The following PLCXD3 variants were observed in gnomAD, a reference collection of about 807,000 sequenced individuals.
PLCXD3 encodes the protein PI-PLC X domain-containing protein 3.
In PLCXD3, 19 loss-of-function variants were observed where a neutral mutation model predicts 25.5. The ratio of observed to expected loss-of-function variants is 0.75; its 90% CI spans 0.52 to 1.09. The LOEUF is 1.09. PLCXD3 is among the 50% of genes least tolerant of loss of function. The probability of loss-of-function intolerance (pLI) is 0.00; values close to 1 mark genes in which losing one functional copy is unlikely to be tolerated. For synonymous variants in PLCXD3, 174 were observed against 137.6 expected, an observed-to-expected ratio of 1.26 and a Z score of -1.85; for missense variants, 411 against 388.1, an observed-to-expected ratio of 1.06 and a Z score of -0.50.
intron 1 of PLCXD3, among the ~76,000 whole-genome samples, chr5:41,437,092 T>G (rs962901438): frequency 6.6e-6 from 1 of 152,228 alleles, no homozygotes; most frequent in South Asian, 2.1e-4. Context: ...AAAGACTCTG[T>G]ACTTATTTCC....
chr5:41,509,904 G>A (rs946207051), intron 1 of PLCXD3, among the ~76,000 whole-genome samples: 1 of 152,206 alleles, frequency 6.6e-6, no homozygotes, highest in Non-Finnish European at 1.5e-5. Flanking sequence ...CACTCTTCGG[G>A]AAGCGCTTTG....
At chr5:41,498,259 A>G (rs887441056) in intron 1 of PLCXD3, among the ~76,000 whole-genome samples, 14 of 151,648 alleles carry the variant, frequency 9.2e-5, no homozygotes, top group African/African-American at 2.9e-4. Context: ...GAATTTTTTG[A>G]AAAGATAAAC....
At chr5:41,363,275 G>A (rs1033825447) in intron 2 of PLCXD3, among the ~76,000 whole-genome samples, 10 of 152,168 alleles carry the variant, frequency 6.6e-5, no homozygotes, top group African/African-American at 2.4e-4. Flanking sequence ...TTGAGGATAA[G>A]GGGCTATGTC....
chr5:41,460,964 A>G (rs1747859255), intron 1 of PLCXD3, among the ~76,000 whole-genome samples: 1 of 151,896 alleles, frequency 6.6e-6, no homozygotes, highest in South Asian at 2.1e-4. Context: ...TTTATATTTT[A>G]GAAATCAACA....
intron 1 of PLCXD3, among the ~76,000 whole-genome samples, chr5:41,465,374 T>A (rs1307998314): frequency 1.4e-5 from 2 of 141,658 alleles, no homozygotes; most frequent in African/African-American, 5.2e-5. Flanking sequence ...TTTTTTTTTT[T>A]TTTTTTTTTT....
chr5:41,420,793 C>T (rs1474228885), intron 1 of PLCXD3, among the ~76,000 whole-genome samples: 2 of 152,206 alleles, frequency 1.3e-5, no homozygotes, highest in Non-Finnish European at 2.9e-5. Flanking sequence ...TTCCTCCAAC[C>T]CTAACTTTGT....
intron 1 of PLCXD3, among the ~76,000 whole-genome samples, chr5:41,437,087 C>G (rs1192297990): frequency 3.3e-5 from 5 of 152,190 alleles, no homozygotes; most frequent in Admixed American, 3.3e-4. Flanking sequence ...ACATTAAAGA[C>G]TCTGTACTTA....
intron 1 of PLCXD3, among the ~76,000 whole-genome samples, chr5:41,383,410 T>C (rs529192088): frequency 5.9e-5 from 9 of 152,220 alleles, no homozygotes; most frequent in Admixed American, 3.3e-4. Flanking sequence ...AATGTAGCAA[T>C]GAACATGTGT....
At chr5:41,362,781 T>G (rs1021104171) in intron 2 of PLCXD3, among the ~76,000 whole-genome samples, 1 of 152,170 alleles carries the variant, frequency 6.6e-6, no homozygotes, top group Non-Finnish European at 1.5e-5. Flanking sequence ...TAGTTTATTA[T>G]AGTGCTGCGT....
chr5:41,439,777 C>G (rs1234179906), intron 1 of PLCXD3, among the ~76,000 whole-genome samples: 1 of 152,090 alleles, frequency 6.6e-6, no homozygotes, highest in Non-Finnish European at 1.5e-5. Context: ...ATATTAAAAC[C>G]TAATATCTAA....
intron 2 of PLCXD3, among the ~76,000 whole-genome samples, chr5:41,357,068 A>ACCATCTCAG (rs1265493803): frequency 6.6e-6 from 1 of 152,200 alleles, no homozygotes; most frequent in Non-Finnish European, 1.5e-5. Context: ...CCTAACTCTG[A>ACCATCTCAG]GATGGGCATA....
intron 1 of PLCXD3, among the ~76,000 whole-genome samples, chr5:41,414,473 T>A (rs1746647457): frequency 6.6e-6 from 1 of 152,182 alleles, no homozygotes; most frequent in South Asian, 2.1e-4. Context: ...AGAAAGACAC[T>A]TCTACTGTGG....
intron 1 of PLCXD3, among the ~76,000 whole-genome samples, chr5:41,487,090 T>G (rs916919759): frequency 1.3e-4 from 20 of 152,200 alleles, no homozygotes; most frequent in African/African-American, 4.3e-4. Context: ...AAAGCCTTTA[T>G]TATGATTAGT....
chr5:41,425,755 C>A (rs1176570722), intron 1 of PLCXD3, among the ~76,000 whole-genome samples: 6 of 152,150 alleles, frequency 3.9e-5, no homozygotes, highest in Admixed American at 3.9e-4. Context: ...GTACTGGCTT[C>A]TTTCCCTTAG....
At chr5:41,418,968 A>T (rs903356831) in intron 1 of PLCXD3, among the ~76,000 whole-genome samples, 18 of 152,242 alleles carry the variant, frequency 1.2e-4, no homozygotes, top group Non-Finnish European at 2.4e-4. Flanking sequence ...AGCAGCAGGC[A>T]GCTGGGTGCT....
At chr5:41,473,573 C>G (rs1748217684) in intron 1 of PLCXD3, among the ~76,000 whole-genome samples, 1 of 151,944 alleles carries the variant, frequency 6.6e-6, no homozygotes, top group South Asian at 2.1e-4. Context: ...CTCCCGAGTA[C>G]CTGGGACTAG....
intron 1 of PLCXD3, among the ~76,000 whole-genome samples, chr5:41,490,196 G>C (rs557441634): frequency 6.6e-6 from 1 of 152,154 alleles, no homozygotes; most frequent in Non-Finnish European, 1.5e-5. Flanking sequence ...AGATAATCAC[G>C]TGGTTTTTGT....
intron 2 of PLCXD3, among the ~76,000 whole-genome samples, chr5:41,343,943 A>T (rs1355539632): frequency 1.3e-5 from 2 of 152,076 alleles, no homozygotes; most frequent in Non-Finnish European, 2.9e-5. Context: ...TTCCATTTCA[A>T]CTTCAAATAA....
rs533271966 is a variant in PLCXD3, at chr5:41,383,023, A to AC, written c.104-490dup. ...CAGCATATGAAGTGTTACCTCATTC[A>AC]CTTCGGAAGGCACAAGAGGTCAAAG... On this transcript the variant is annotated intron_variant, in intron 1 of 2. Transcript: ENST00000377801. 3.1e-3 allele frequency among the ~76,000 whole-genome samples: 467 copies of AC among 152,200 alleles called. 1 individual carries two copies. Among genetic ancestry groups the AC allele is most frequent in the African/African-American group, 9.8e-3 (406 of 41,566 alleles).
Sources: gnomAD v4.1 joint callset for allele counts (sites outside exome capture counted in the v4.1 genomes callset) on GRCh38, gnomAD v4.1.1 for gene constraint, MANE v1.5 for transcripts, NCBI Gene and HGNC (gene_info 2026-07-23, HGNC 2026-07-21) for gene names.